Variants in MGAT5 observed in about 807,000 individuals in gnomAD.
MGAT5 encodes the protein alpha-1,6-mannosylglycoprotein 6-beta-N-acetylglucosaminyltransferase.
MGAT5 carries 30 observed loss-of-function variants against 94.3 expected under a neutral mutation model. That is an observed-to-expected ratio of 0.32 (90% CI 0.24 to 0.43). The LOEUF is 0.43. Among genes scored for constraint, MGAT5 ranks in the 20% least tolerant of loss-of-function variants. The pLI, the probability that MGAT5 is intolerant of heterozygous loss-of-function variation, is 1.00. For missense variants in MGAT5, 691 were observed against 905.5 expected, an observed-to-expected ratio of 0.76 and a Z score of 3.04; for synonymous variants, 310 against 322.9, an observed-to-expected ratio of 0.96 and a Z score of 0.43.
At chr2:134,182,664 C>T (rs549069398) in intron 1 of MGAT5, among the ~76,000 whole-genome samples, 44 of 152,196 alleles carry the variant, frequency 2.9e-4, no homozygotes, top group African/African-American at 1.0e-3. Context: ...TCACTGTCAC[C>T]GCCACCCCAT....
chr2:134,308,128 A>G (rs976137243), intron 2 of MGAT5, among the ~76,000 whole-genome samples: 1 of 152,198 alleles, frequency 6.6e-6, no homozygotes, highest in Non-Finnish European at 1.5e-5. Flanking sequence ...ATCGGTGTAC[A>G]TAAGATACAG....
intron 13 of MGAT5, among the ~76,000 whole-genome samples, chr2:134,424,882 A>G (rs1684493171): frequency 6.6e-6 from 1 of 152,162 alleles, no homozygotes; most frequent in Non-Finnish European, 1.5e-5. Context: ...CTCTGTATGT[A>G]TCTCTGTCTT....
intron 1 of MGAT5, among the ~76,000 whole-genome samples, chr2:134,248,846 T>C (rs567825354): frequency 6.6e-5 from 10 of 152,254 alleles, no homozygotes; most frequent in Admixed American, 6.5e-4. Flanking sequence ...AAATAGGGCC[T>C]CCAGGGATGT....
chr2:134,194,600 TA>T (rs777091456), intron 1 of MGAT5, among the ~76,000 whole-genome samples: 2 of 152,062 alleles, frequency 1.3e-5, no homozygotes, highest in African/African-American at 4.8e-5. Context: ...AAACAGATGA[TA>T]GGGGGTGTTT....
At chr2:134,209,282 G>T (rs1680197255) in intron 1 of MGAT5, among the ~76,000 whole-genome samples, 1 of 46,922 alleles carries the variant, frequency 2.1e-5, no homozygotes, top group South Asian at 8.9e-4. Context: ...CTGGTGCGCT[G>T]CACCCACTAA....
intron 5 of MGAT5, among the ~76,000 whole-genome samples, chr2:134,337,770 T>C (rs1053591634): frequency 2.6e-5 from 4 of 152,180 alleles, no homozygotes; most frequent in African/African-American, 9.7e-5. Context: ...TTGTTTGGAC[T>C]GGGACAAAAC....
chr2:134,244,776 G>A (rs1175985949), intron 1 of MGAT5, among the ~76,000 whole-genome samples: 1 of 152,114 alleles, frequency 6.6e-6, no homozygotes, highest in African/African-American at 2.4e-5. Flanking sequence ...TTTTGGCAGT[G>A]TTGAGAGACA....
At chr2:134,266,324 G>T (rs1006102336) in intron 1 of MGAT5, among the ~76,000 whole-genome samples, 23 of 152,030 alleles carry the variant, frequency 1.5e-4, no homozygotes, top group Non-Finnish European at 2.9e-4. Flanking sequence ...AGGTTCAAGC[G>T]ATTCTCCTGC....
intron 2 of MGAT5, among the ~76,000 whole-genome samples, chr2:134,306,573 G>A (rs1686341638): frequency 1.3e-5 from 2 of 152,080 alleles, no homozygotes; most frequent in African/African-American, 4.8e-5. Context: ...TTTCAGTGTG[G>A]TGCAGGCAAT....
intron 11 of MGAT5, among the ~76,000 whole-genome samples, chr2:134,411,228 A>T (rs1683638662): frequency 6.6e-6 from 1 of 152,144 alleles, no homozygotes; most frequent in Admixed American, 6.5e-5. Context: ...TAAGATGCAG[A>T]GCAGGAGCTT....
chr2:134,202,830 C>T (rs1216951807), intron 1 of MGAT5, among the ~76,000 whole-genome samples: 1 of 152,126 alleles, frequency 6.6e-6, no homozygotes, highest in African/African-American at 2.4e-5. Flanking sequence ...CAACAACAAA[C>T]ACAATTCTCC....
chr2:134,219,831 T>G (rs755347912), intron 1 of MGAT5, among the ~76,000 whole-genome samples: 1 of 152,252 alleles, frequency 6.6e-6, no homozygotes, highest in Non-Finnish European at 1.5e-5. Context: ...ATCTTGTTCC[T>G]GCCTCCTGTC....
At chr2:134,425,708 C>G (rs977688629) in intron 13 of MGAT5, among the ~76,000 whole-genome samples, 1 of 152,102 alleles carries the variant, frequency 6.6e-6, no homozygotes, top group Non-Finnish European at 1.5e-5. Context: ...AAGCAATTGC[C>G]TGTAGAAGTT....
chr2:134,337,076 G>C (rs753794000), intron 5 of MGAT5, among the ~76,000 whole-genome samples: 2 of 152,310 alleles, frequency 1.3e-5, no homozygotes, highest in South Asian at 2.1e-4. Context: ...CTGAGTTCCA[G>C]TAAAATTTTA....
chr2:134,121,670 C>T (rs1476299449), intron 1 of MGAT5, among the ~76,000 whole-genome samples: 2 of 152,218 alleles, frequency 1.3e-5, no homozygotes, highest in Non-Finnish European at 2.9e-5. Flanking sequence ...TGGGAAGGGG[C>T]AAACTCAGTT....
intron 14 of MGAT5, among the ~76,000 whole-genome samples, chr2:134,441,068 T>A (rs1442501354): frequency 6.6e-6 from 1 of 152,234 alleles, no homozygotes; most frequent in Non-Finnish European, 1.5e-5. Flanking sequence ...GGTTTCTTTA[T>A]ATTGTCATTT....
chr2:134,354,511 A>G (rs553593296), intron 9 of MGAT5, among the ~76,000 whole-genome samples: 68 of 152,322 alleles, frequency 4.5e-4, no homozygotes, highest in African/African-American at 1.5e-3. Context: ...TTAAATATTC[A>G]TGGTACACGT....
chr2:134,193,436 C>T (rs893065394), intron 1 of MGAT5, among the ~76,000 whole-genome samples: 26 of 152,288 alleles, frequency 1.7e-4, no homozygotes, highest in Non-Finnish European at 2.2e-4. Flanking sequence ...TAAAAGAGAA[C>T]GATCCCCAGG....
chr2:134,362,102 C>G (rs1360658981), intron 9 of MGAT5, among the ~76,000 whole-genome samples, 173 bp from the exon 10 acceptor site: 2 of 152,190 alleles, frequency 1.3e-5, no homozygotes, highest in Non-Finnish European at 2.9e-5. Flanking sequence ...GACGGTTTTA[C>G]TGGGAATGTG....
Sources: allele counts gnomAD v4.1 joint callset (sites outside exome capture counted in the v4.1 genomes callset), GRCh38; gene constraint gnomAD v4.1.1; transcripts MANE v1.5; gene names NCBI Gene and HGNC (gene_info 2026-07-23, HGNC 2026-07-21).